ANKH: variants seen among roughly 807,000 people sequenced by gnomAD.
ANKH encodes ANKH inorganic pyrophosphate transport regulator, also known as mineralization regulator ANKH.
Under a neutral mutation model 49.0 loss-of-function variants are expected in ANKH, and 15 were observed. The observed-to-expected ratio is 0.31, with a 90% CI of 0.20 to 0.47. ANKH has a LOEUF of 0.47. Among genes scored for constraint, ANKH ranks in the 20% least tolerant of loss-of-function variants. The pLI is 1.00. For synonymous variants in ANKH, 273 were observed against 260.0 expected, an observed-to-expected ratio of 1.05 and a Z score of -0.48; for missense variants, 429 against 652.0, an observed-to-expected ratio of 0.66 and a Z score of 3.72.
At chr5:14,746,002 C>T in intron 6 of ANKH, 40 bp from the exon 7 acceptor site, 1 of 1,556,906 alleles carries the variant, frequency 6.4e-7, no homozygotes, top group Non-Finnish European at 8.9e-7. Flanking sequence ...AGGGTACCAG[C>T]AGGAAGTCCT....
chr5:14,792,558 T>C (rs1740202936), intron 1 of ANKH, among the ~76,000 whole-genome samples: 1 of 152,130 alleles, frequency 6.6e-6, no homozygotes, highest in African/African-American at 2.4e-5. Context: ...TCTAGGCTGA[T>C]GAACACTGAT....
intron 1 of ANKH, among the ~76,000 whole-genome samples, chr5:14,818,209 TGTG>T (rs1300063877): frequency 6.6e-6 from 1 of 152,148 alleles, no homozygotes; most frequent in Non-Finnish European, 1.5e-5. Flanking sequence ...CCTTATTCCA[TGTG>T]GAAGCCCAGG....
chr5:14,838,366 C>T (rs1741720181), intron 1 of ANKH, among the ~76,000 whole-genome samples: 1 of 150,926 alleles, frequency 6.6e-6, no homozygotes, highest in African/African-American at 2.4e-5. Context: ...GCACATGTAC[C>T]CTAAAACTTA....
intron 1 of ANKH, chr5:14,797,789 C>T (rs1740436011): frequency 6.2e-7 from 1 of 1,611,252 alleles, no homozygotes; most frequent in Non-Finnish European, 8.5e-7. Context: ...TGATGTCCCA[C>T]AGGCAGATGG....
intron 8 of ANKH, among the ~76,000 whole-genome samples, chr5:14,740,104 G>A (rs1414915804): frequency 6.6e-6 from 1 of 152,146 alleles, no homozygotes. Flanking sequence ...CTCTAGCAGC[G>A]GAAAGATGTT....
At chr5:14,863,178 G>A (rs1735551270) in intron 1 of ANKH, among the ~76,000 whole-genome samples, 1 of 152,100 alleles carries the variant, frequency 6.6e-6, no homozygotes, top group African/African-American at 2.4e-5. Context: ...ACTGGCAACT[G>A]GTTAGTATTA....
chr5:14,808,321 T>C (rs1740767705), intron 1 of ANKH, among the ~76,000 whole-genome samples: 2 of 152,286 alleles, frequency 1.3e-5, no homozygotes, highest in South Asian at 4.1e-4. Flanking sequence ...AGCCATCAAG[T>C]CTAAGACTTT....
chr5:14,722,361 C>G (rs901663757), intron 8 of ANKH, among the ~76,000 whole-genome samples: 1 of 152,174 alleles, frequency 6.6e-6, no homozygotes, highest in Non-Finnish European at 1.5e-5. Flanking sequence ...ACACAGCCTT[C>G]AAAATCGAAT....
intron 8 of ANKH, among the ~76,000 whole-genome samples, chr5:14,732,267 G>A (rs1028162919): frequency 1.3e-5 from 2 of 152,034 alleles, no homozygotes; most frequent in African/African-American, 2.4e-5. Flanking sequence ...TCTGTGCCTG[G>A]GACTGGGAGG....
chr5:14,842,886 A>G (rs1312917343), intron 1 of ANKH, among the ~76,000 whole-genome samples: 1 of 152,162 alleles, frequency 6.6e-6, no homozygotes, highest in Non-Finnish European at 1.5e-5. Flanking sequence ...TGTTCTGAAC[A>G]TTGTAAGGCA....
In ANKH at chr5:14,713,794, G is replaced by C; in HGVS notation, c.1142-127C>G. The C allele has an allele frequency of 7.4e-7, 1 of 1,343,322 alleles. No homozygotes were observed. The highest frequency in any genetic ancestry group is 1.2e-5 in the South Asian group (1 of 84,638). 83.2% of individuals were successfully genotyped at this position (1,343,322 alleles called of 1,614,324 possible). A position where few individuals can be genotyped will look rare whatever the true frequency, so the allele number is the denominator to read the frequency against. On this transcript the variant is annotated intron_variant, in intron 9 of 11. Transcript: ENST00000284268. This position sits in a 1 kb window ranked among gnomAD's most constrained non-coding sequence, Gnocchi z 4.4. ...AGGACCCTGGCCTTGCTGTTGAGCCGCTGGCCACCTCATCTTCCTGCCAGG... is the reference window on the plus strand; with the variant it reads ...AGGACCCTGGCCTTGCTGTTGAGCCCCTGGCCACCTCATCTTCCTGCCAGG...
chr5:14,737,623 G>A lies in ANKH; in HGVS notation c.1011+4204C>T, dbSNP rs1215492035. On this transcript the variant is annotated intron_variant, in intron 8 of 11. Transcript: ENST00000284268. This position sits in a 1 kb window ranked among gnomAD's most constrained non-coding sequence, Gnocchi z 5.0. ...TGGAGACACCTTGCATGGCGAGGCT[G>A]CGACGCAGTCTCCTTTGCGTGGCTG... Among the ~76,000 whole-genome samples the A allele has an allele frequency of 1.3e-5, 2 of 152,256 alleles. No homozygotes were observed. The highest frequency in any genetic ancestry group is 2.9e-5 in the Non-Finnish European group (2 of 68,046).
intron 2 of ANKH, among the ~76,000 whole-genome samples, chr5:14,767,379 C>T (rs891325532): frequency 1.3e-5 from 2 of 152,104 alleles, no homozygotes; most frequent in Non-Finnish European, 2.9e-5. Flanking sequence ...GCTTTCGTAG[C>T]AACTGTGGAA....
intron 1 of ANKH, chr5:14,797,701 A>T: frequency 1.9e-6 from 3 of 1,600,970 alleles, no homozygotes; most frequent in Non-Finnish European, 2.6e-6. Context: ...AGATGCCAGG[A>T]AACATCTTCT....
At chr5:14,734,293 T>C (rs1296319032) in intron 8 of ANKH, among the ~76,000 whole-genome samples, 1 of 151,388 alleles carries the variant, frequency 6.6e-6, no homozygotes, top group Admixed American at 6.6e-5. Context: ...TCGGAATTAG[T>C]TTAGCCCGTG....
intron 8 of ANKH, among the ~76,000 whole-genome samples, chr5:14,739,947 G>T (rs981733671): frequency 2.6e-5 from 4 of 152,164 alleles, no homozygotes; most frequent in Non-Finnish European, 5.9e-5. Context: ...CCTGGGAAAT[G>T]TAAGCATTTT....
In ANKH at chr5:14,710,764, C is replaced by T. The variant is rs189866379; in HGVS notation, c.*433G>A. ...GACTGGGAAGCAAATCAAAGGAAGCCGAGTTTTAACCTGTTGATTCTTAAG... is the reference window on the plus strand; with the variant it reads ...GACTGGGAAGCAAATCAAAGGAAGCTGAGTTTTAACCTGTTGATTCTTAAG... On this transcript the variant is annotated 3_prime_UTR_variant, in exon 12 of 12. Coordinates refer to ENST00000284268, the MANE Select transcript of ANKH (RefSeq NM_054027.6). The T allele has an allele frequency of 1.3e-4, 26 of 195,690 alleles. No individual in the cohort carries two copies. The highest frequency in any genetic ancestry group is 7.0e-4 in the Admixed American group (13 of 18,584). 12.1% of individuals were successfully genotyped at this position (195,690 alleles called of 1,614,324 possible).
intron 1 of ANKH, among the ~76,000 whole-genome samples, chr5:14,835,656 T>C (rs1741630703): frequency 6.6e-6 from 1 of 152,148 alleles, no homozygotes; most frequent in African/African-American, 2.4e-5. Context: ...GTCATGCTCT[T>C]TGTCTTCTGA....
At chr5:14,809,214 T>A (rs1350478610) in intron 1 of ANKH, among the ~76,000 whole-genome samples, 3 of 114,130 alleles carry the variant, frequency 2.6e-5, no homozygotes, top group Non-Finnish European at 5.3e-5. Flanking sequence ...AGGGATAGCA[T>A]TGGGAGATAT....
Sources: allele counts gnomAD v4.1 joint callset (sites outside exome capture counted in the v4.1 genomes callset), GRCh38; gene constraint gnomAD v4.1.1; non-coding constraint Gnocchi (gnomAD v3.1); transcripts MANE v1.5; gene names NCBI Gene and HGNC (gene_info 2026-07-23, HGNC 2026-07-21).